Variants in TMPRSS7 observed in about 807,000 individuals in gnomAD.
The protein encoded by TMPRSS7 is transmembrane protease serine 7.
Under a neutral mutation model 95.6 loss-of-function variants are expected in TMPRSS7, and 81 were observed. That is an observed-to-expected ratio of 0.85 (90% CI 0.71 to 1.02). The LOEUF is 1.02. Ranked by LOEUF, TMPRSS7 falls within the 50% of genes least tolerant of loss-of-function variation. The pLI, the probability that TMPRSS7 is intolerant of heterozygous loss-of-function variation, is 0.00. For missense variants in TMPRSS7, 945 were observed against 955.2 expected (o/e 0.99, Z 0.14); for synonymous variants, 364 against 337.8 (o/e 1.08, Z -0.85).
At chr3:112,077,704 C>A (rs1339581992) in intron 16 of TMPRSS7, among the ~76,000 whole-genome samples, 2 of 152,050 alleles carry the variant, frequency 1.3e-5, no homozygotes, top group South Asian at 2.1e-4. Flanking sequence ...AGAGGAGATA[C>A]CTTTTTGCTA....
At chr3:112,063,238 A>T (rs1316002633) in intron 11 of TMPRSS7, among the ~76,000 whole-genome samples, 6 of 152,118 alleles carry the variant, frequency 3.9e-5, no homozygotes, top group Admixed American at 6.5e-5. Flanking sequence ...AAAGTCACCC[A>T]GCTGAGACTA....
intron 3 of TMPRSS7, among the ~76,000 whole-genome samples, chr3:112,043,273 AAC>A (rs986367931): frequency 7.2e-5 from 11 of 152,300 alleles, no homozygotes; most frequent in Admixed American, 5.2e-4. Context: ...AGGCAATTGT[AAC>A]ACAAATCACT....
chr3:112,080,834 C>G, intron 17 of TMPRSS7, 80 bp from the exon 18 acceptor site: 2 of 1,419,852 alleles, frequency 1.4e-6, no homozygotes, highest in Non-Finnish European at 1.9e-6. Flanking sequence ...CTCTTGAACA[C>G]AATTCATTAG....
chr3:112,045,699 T>C, intron 4 of TMPRSS7, 51 bp from the exon 5 acceptor site: 1 of 1,474,998 alleles, frequency 6.8e-7, no homozygotes, highest in Non-Finnish European at 9.0e-7. Context: ...GGGTATTTCT[T>C]CTCTGTAAAG....
intron 13 of TMPRSS7, among the ~76,000 whole-genome samples, chr3:112,067,801 G>C (rs1187907471): frequency 6.6e-6 from 1 of 152,182 alleles, no homozygotes; most frequent in African/African-American, 2.4e-5. Context: ...TCTGATGGTA[G>C]TTTCTTTTGC....
intron 13 of TMPRSS7, among the ~76,000 whole-genome samples, chr3:112,067,435 C>T (rs1291122245): frequency 6.6e-6 from 1 of 152,212 alleles, no homozygotes; most frequent in Non-Finnish European, 1.5e-5. Flanking sequence ...AAGTAGTTTA[C>T]ACTCCCACCA....
chr3:112,080,572 T>C lies in TMPRSS7; in HGVS notation c.2362-342T>C, dbSNP rs59815536. 4.9e-4 allele frequency among the ~76,000 whole-genome samples: 73 copies of C among 150,428 alleles called. 1 individual carries two copies. The highest frequency in any genetic ancestry group is 9.9e-4 in the Admixed American group (15 of 15,112). ...CCACCACTACTACTACTACTACTAT[T>C]ACCACCACCACCACCACCATCACCA... On this transcript the variant is annotated intron_variant, in intron 17 of 17. Coordinates refer to ENST00000452346, the Ensembl canonical transcript of TMPRSS7.
chr3:112,077,295 G>C, intron 16 of TMPRSS7, 151 bp downstream of exon 16: 5 of 838,264 alleles, frequency 6.0e-6, no homozygotes, highest in Non-Finnish European at 9.2e-6. Context: ...GGAGGGTACT[G>C]TTATTTCTTT....
rs932681559 is a variant in TMPRSS7 at position 112,063,629 on chromosome 3, T to C, written c.1552T>C (p.Cys518Arg). 1.7e-5 allele frequency: 27 copies of C among 1,613,362 alleles called. No individual in the cohort carries two copies. The African/African-American group carries it at 3.2e-4, about 19-fold the overall frequency. The change falls in exon 12 of 18, where the codon TGC becomes CGC. Residue 518 changes from cysteine (C) to arginine (R), a missense_variant. By Grantham distance (180) the Cys-to-Arg change is radical (BLOSUM62 -3). Coordinates refer to ENST00000452346, the Ensembl canonical transcript of TMPRSS7. The stretch of plus-strand genomic sequence containing the variant: ...CTTTGATGAAAGTGATGAACTGTTT[T>C]GCGGTGGGTATTCAAGATTTTAATA...
chr3:112,074,574 A>T (rs1391283443), intron 14 of TMPRSS7, among the ~76,000 whole-genome samples, 162 bp downstream of exon 14: 1 of 152,282 alleles, frequency 6.6e-6, no homozygotes, highest in East Asian at 1.9e-4. Flanking sequence ...TGTTTCTCAG[A>T]AATAAAAACT....
At chr3:112,052,144 G>A (rs1438842100) in intron 9 of TMPRSS7, among the ~76,000 whole-genome samples, 1 of 151,958 alleles carries the variant, frequency 6.6e-6, no homozygotes, top group African/African-American at 2.4e-5. Flanking sequence ...AGGGAAGGGG[G>A]CTCTATAGCC....
intron 3 of TMPRSS7, chr3:112,043,190 C>A (rs2073232793): frequency 2.3e-6 from 1 of 441,530 alleles, no homozygotes; most frequent in Admixed American, 2.4e-5. Flanking sequence ...CTACTACACA[C>A]CCAGGCTAGA....
intron 17 of TMPRSS7, among the ~76,000 whole-genome samples, chr3:112,080,527 C>CACTACTACTACTACTACTACCACCACT (rs2073764825): frequency 6.9e-6 from 1 of 145,934 alleles, no homozygotes; most frequent in African/African-American, 2.6e-5. Flanking sequence ...TTTTAGCCCT[C>CACTACTACTACTACTACTACCACCACT]ACTACTACTA....
At chr3:112,050,842 A>C in intron 9 of TMPRSS7, 59 bp downstream of exon 9, 1 of 809,708 alleles carries the variant, frequency 1.2e-6, no homozygotes. Context: ...TAATAGCATG[A>C]ATTTCATTCA....
chr3:112,081,173 C>T, downstream of TMPRSS7: 1 of 1,340,650 alleles, frequency 7.5e-7, no homozygotes, highest in East Asian at 2.5e-5. Context: ...TGGCTCACAC[C>T]TGTAATCCCA....
intron 15 of TMPRSS7, 68 bp downstream of exon 15, chr3:112,075,560 T>C: frequency 2.3e-6 from 3 of 1,282,946 alleles, no homozygotes; most frequent in Non-Finnish European, 3.0e-6. Flanking sequence ...TGCCCTCAAA[T>C]TGTGGGAAGC....
exon 15 of TMPRSS7, chr3:112,075,474 A>G: frequency 6.7e-7 from 1 of 1,498,354 alleles, no homozygotes; most frequent in Non-Finnish European, 8.9e-7. Flanking sequence ...TCTGCAGCCC[A>G]CTGTTTTCAT....
intron 9 of TMPRSS7, among the ~76,000 whole-genome samples, chr3:112,052,906 G>A (rs986902115): frequency 6.7e-6 from 1 of 149,590 alleles, no homozygotes; most frequent in African/African-American, 2.5e-5. Context: ...CTAGGGGTTG[G>A]GGGTGAGAAA....
intron 9 of TMPRSS7, among the ~76,000 whole-genome samples, chr3:112,056,447 A>G (rs2073434240): frequency 6.6e-6 from 1 of 152,278 alleles, no homozygotes; most frequent in Non-Finnish European, 1.5e-5. Context: ...AAATGCAACA[A>G]AAAAGTGAGT....
Sources: allele counts gnomAD v4.1 joint callset (sites outside exome capture counted in the v4.1 genomes callset), GRCh38; gene constraint gnomAD v4.1.1; transcripts MANE v1.5; gene names NCBI Gene and HGNC (gene_info 2026-07-23, HGNC 2026-07-21).